PCDHA6: variants seen among roughly 807,000 people sequenced by gnomAD.
PCDHA6 encodes protocadherin alpha 6, also known as protocadherin alpha-6.
In PCDHA6, 55 loss-of-function variants were observed where a neutral mutation model predicts 60.3. The ratio of observed to expected loss-of-function variants is 0.91; its 90% CI spans 0.73 to 1.14. The LOEUF is 1.14. Ranked by LOEUF, PCDHA6 falls within the 50% of genes most tolerant of loss-of-function variation. The pLI, the probability that PCDHA6 is intolerant of heterozygous loss-of-function variation, is 0.00. For synonymous variants in PCDHA6, 652 were observed against 557.9 expected (o/e 1.17, Z -2.38); for missense variants, 1,327 against 1,256.5 (o/e 1.06, Z -0.85).
At chr5:140,861,743 C>T in intron 1 of PCDHA6, 1 of 152,806 alleles carries the variant, frequency 6.5e-6, no homozygotes, top group Non-Finnish European at 1.4e-5. Context: ...CATACTGTGC[C>T]GCAATGATTA....
intron 1 of PCDHA6, chr5:140,868,939 G>T (rs2050745278): frequency 1.6e-6 from 2 of 1,242,994 alleles, no homozygotes; most frequent in African/African-American, 1.5e-5. Context: ...AGGTTGGTCT[G>T]AACAGTGAGG....
chr5:140,905,163 G>A (rs782288723), intron 1 of PCDHA6, among the ~76,000 whole-genome samples: 30 of 152,274 alleles, frequency 2.0e-4, no homozygotes, highest in African/African-American at 7.0e-4. Flanking sequence ...AATTTTCATG[G>A]TTTCAGGTTT....
chr5:140,857,900 C>A, intron 1 of PCDHA6: 2 of 1,597,730 alleles, frequency 1.3e-6, no homozygotes, highest in African/African-American at 1.3e-5. Context: ...GGTTGGTGCA[C>A]GCATCCCGTT....
intron 1 of PCDHA6, among the ~76,000 whole-genome samples, chr5:140,960,822 T>C (rs1225829114): frequency 4.6e-5 from 7 of 152,080 alleles, no homozygotes; most frequent in African/African-American, 1.7e-4. Context: ...AAGTGATGAA[T>C]GGAAACTTGG....
chr5:140,942,944 T>C (rs368380576), intron 1 of PCDHA6, among the ~76,000 whole-genome samples: 1 of 151,862 alleles, frequency 6.6e-6, no homozygotes, highest in African/African-American at 2.4e-5. Context: ...GTTTAAAGTG[T>C]AGACGTTCTG....
At position 141,006,497 on chromosome 5, in the gene PCDHA6, G is replaced by C. The variant is rs575942325; in HGVS notation, c.2543-3130G>C. Among the ~76,000 whole-genome samples the C allele has an allele frequency of 2.6e-5, 4 of 152,288 alleles. No homozygotes were observed. In the South Asian group the frequency reaches 8.3e-4, roughly 32 times the overall value. ...CAAAGTGCTGGGATTACATGTGTGA[G>C]CCACCGCGCCTGGCTGTTATACATC... On this transcript the variant is annotated intron_variant, in intron 3 of 3. Transcript: ENST00000529310.
In PCDHA6 at chr5:140,843,133, C is replaced by T. The variant is rs2150353566; in HGVS notation, c.2394+12648C>T. The T allele has an allele frequency of 2.5e-6, 4 of 1,595,974 alleles. 1 individual carries two copies. The highest frequency in any genetic ancestry group is 3.4e-6 in the Non-Finnish European group (4 of 1,165,590). ...CAGTGGACGCCGACTCGGGCTACAA[C>T]GCGTGGCTTTCGTATGAGCTGCAGC... On this transcript the variant is annotated intron_variant, in intron 1 of 3. Transcript: ENST00000529310.
At chr5:140,850,588 T>A in intron 1 of PCDHA6, 1 of 1,598,352 alleles carries the variant, frequency 6.3e-7, no homozygotes, top group South Asian at 1.1e-5. Flanking sequence ...GATGTCAACG[T>A]GTACCTGATC....
chr5:140,928,900 G>A lies in PCDHA6; in HGVS notation c.2395-50049G>A, dbSNP rs782597882. On this transcript the variant is annotated intron_variant, in intron 1 of 3. Coordinates refer to ENST00000529310, the MANE Select transcript of PCDHA6 (RefSeq NM_018909.4). ...TCAGTTACTTCCAGACTTTGAAGATGTCTGGGAACCAGGAGGGCAGCTTTC... is the reference window on the plus strand; with the variant it reads ...TCAGTTACTTCCAGACTTTGAAGATATCTGGGAACCAGGAGGGCAGCTTTC... The A allele has an allele frequency of 3.1e-6, 5 of 1,614,212 alleles. No homozygotes were observed. The South Asian group carries it at 5.5e-5, about 18-fold the overall frequency.
At chr5:140,961,252 C>T (rs1185090498) in intron 1 of PCDHA6, among the ~76,000 whole-genome samples, 1 of 152,158 alleles carries the variant, frequency 6.6e-6, no homozygotes, top group African/African-American at 2.4e-5. Context: ...TTATCCGAAG[C>T]TCCAGGAAGC....
intron 1 of PCDHA6, chr5:140,841,561 G>T (rs2150318242): frequency 8.1e-6 from 13 of 1,613,932 alleles, no homozygotes; most frequent in Non-Finnish European, 1.1e-5. Context: ...TAAGTCTGCA[G>T]AATGGCATTT....
intron 1 of PCDHA6, among the ~76,000 whole-genome samples, chr5:140,949,545 T>G (rs1173643616): frequency 6.6e-6 from 1 of 151,906 alleles, no homozygotes; most frequent in Non-Finnish European, 1.5e-5. Flanking sequence ...ATCGATTTGT[T>G]GCTGGTCATA....
At chr5:140,926,788 G>A in intron 1 of PCDHA6, 26 of 1,427,398 alleles carry the variant, frequency 1.8e-5, no homozygotes, top group Non-Finnish European at 2.4e-5. Flanking sequence ...ACGGCCGGCA[G>A]GAGCGTGCTC....
At chr5:140,897,471 G>A (rs1260992963) in intron 1 of PCDHA6, among the ~76,000 whole-genome samples, 3 of 151,810 alleles carry the variant, frequency 2.0e-5, no homozygotes, top group Non-Finnish European at 4.4e-5. Flanking sequence ...AGTTTACTGA[G>A]AATGATGATT....
intron 1 of PCDHA6, among the ~76,000 whole-genome samples, chr5:140,958,881 A>G (rs565016962): frequency 2.0e-5 from 3 of 152,092 alleles, no homozygotes; most frequent in Non-Finnish European, 2.9e-5. Flanking sequence ...AGAATTGACC[A>G]GTAGCTATAT....
At chr5:140,843,593 G>C in intron 1 of PCDHA6, 1 of 1,596,072 alleles carries the variant, frequency 6.3e-7, no homozygotes, top group Non-Finnish European at 8.6e-7. Context: ...GCCGCAGAGG[G>C]TGTGCTCTGG....
At chr5:140,890,753 C>G (rs1274674281) in intron 1 of PCDHA6, among the ~76,000 whole-genome samples, 1 of 152,114 alleles carries the variant, frequency 6.6e-6, no homozygotes, top group African/African-American at 2.4e-5. Context: ...TTCTGTCATG[C>G]TTTAAAAATA....
rs1770047572 is a variant in PCDHA6, at chr5:140,828,949, A to C, written c.858A>C (p.Ala286=). ...AISYSFNSLV[A]AMVIDHFSID... The stretch of plus-strand genomic sequence containing the variant: ...CATATTCTTTTAATAGCCTTGTTGC[A>C]GCCATGGTTATTGACCACTTTAGCA... Residue 286 remains alanine, a synonymous_variant, in exon 1 of 4, where the codon GCA becomes GCC. Coordinates refer to ENST00000529310, the MANE Select transcript of PCDHA6 (RefSeq NM_018909.4). 1 of 1,614,264 alleles carries C rather than the reference A, an allele frequency of 6.2e-7. No homozygotes were observed. Among genetic ancestry groups the C allele is most frequent in the Non-Finnish European group, 8.5e-7 (1 of 1,180,040 alleles).
rs141394050 is a variant in PCDHA6 at position 140,948,629 on chromosome 5, T to C, written c.2395-30320T>C. 8.2e-3 allele frequency among the ~76,000 whole-genome samples: 1,244 copies of C among 151,828 alleles called. 11 individuals are homozygous for C. Among genetic ancestry groups the C allele is most frequent in the Non-Finnish European group, 0.013 (908 of 67,578 alleles). On this transcript the variant is annotated intron_variant, in intron 1 of 3. Transcript: ENST00000529310. ...TTTTGGCACAAAGTTGTTAATAATA[T>C]TCTCTCATCTTTTAACGTCTGTATA...
Sources: allele counts gnomAD v4.1 joint callset (sites outside exome capture counted in the v4.1 genomes callset), GRCh38; gene constraint gnomAD v4.1.1; transcripts MANE v1.5; gene names NCBI Gene and HGNC (gene_info 2026-07-23, HGNC 2026-07-21).